The following GCN1 variants were observed in gnomAD, a reference collection of about 807,000 sequenced individuals.
GCN1 encodes GCN1 activator of EIF2AK4.
Under a neutral mutation model 288.4 loss-of-function variants are expected in GCN1, and 90 were observed. The observed-to-expected ratio is 0.31, with a 90% CI of 0.26 to 0.37. The LOEUF (loss-of-function observed/expected upper bound fraction) is 0.37. GCN1 is among the 10% of genes least tolerant of loss of function. The pLI is 1.00. For synonymous variants in GCN1, 1,386 were observed against 1,420.2 expected (o/e 0.98, Z 0.54); for missense variants, 2,586 against 3,419.9 (o/e 0.76, Z 6.08).
intron 55 of GCN1, 111 bp downstream of exon 55, chr12:120,131,074 A>AT: frequency 2.1e-6 from 2 of 949,254 alleles, no homozygotes; most frequent in Admixed American, 4.0e-5. Context: ...CAAAGGTAAA[A>AT]TTAGACCCAA....
chr12:120,175,153 ATC>A lies in GCN1; in HGVS notation c.1093+7_1093+8del. 2 of 1,567,298 alleles carry A rather than the reference ATC, an allele frequency of 1.3e-6. No homozygotes were observed. Among genetic ancestry groups the A allele is most frequent in the Non-Finnish European group, 1.7e-6 (2 of 1,152,742 alleles). On this transcript the variant is annotated splice_region_variant and intron_variant, in intron 12 of 57. Transcript: ENST00000300648. Reference sequence around the variant, plus strand: ...AAAAAAAAAAAAAAAAAAAAAAGAAATCCTATACCTGAGAGGACGCTCATCTT... The same window carrying A: ...AAAAAAAAAAAAAAAAAAAAAAGAAACTATACCTGAGAGGACGCTCATCTT...
chr12:120,165,040 T>C (rs61271303), intron 16 of GCN1, among the ~76,000 whole-genome samples: 11,158 of 134,234 alleles, frequency 0.083, 896 homozygotes, highest in African/African-American at 0.23. Flanking sequence ...CACACACATA[T>C]ATATATATAT....
intron 5 of GCN1, among the ~76,000 whole-genome samples, chr12:120,183,103 A>G (rs948054172): frequency 1.3e-5 from 2 of 152,204 alleles, no homozygotes; most frequent in Non-Finnish European, 2.9e-5. Context: ...TAGAGAATGG[A>G]AAGAGGGAAT....
In GCN1 at chr12:120,134,645, G is replaced by T; in HGVS notation, c.7090C>A (p.Arg2364Ser). 6.2e-7 allele frequency: 1 copy of T among 1,613,866 alleles called. No homozygotes were observed. The highest frequency in any genetic ancestry group is 1.1e-5 in the South Asian group (1 of 91,066). The change falls in exon 52 of 58, where the codon CGC becomes AGC. Residue 2364 changes from arginine (R) to serine (S), a missense_variant. Around this residue, in one of 8 missense-constraint regions of GCN1, gnomAD observed 355 missense variants for 431.1 expected, o/e 0.82. Transcript: ENST00000300648. This position sits in a 1 kb window ranked among gnomAD's most constrained non-coding sequence, Gnocchi z 5.0. ...CCCAGAGCATCTGCGGCCTTCAGGC[G>T]CACCCCCCGGTTGGAGTCCTGCAGG... The part of the protein sequence containing the change: ...KALQDSNRGV[R>S]LKAADALGKL...
At chr12:120,131,425 G>C (rs1186040896) in intron 54 of GCN1, 92 bp from the exon 55 acceptor site, 1 of 1,269,270 alleles carries the variant, frequency 7.9e-7, no homozygotes, top group Admixed American at 1.8e-5. Flanking sequence ...CTGGAGACCA[G>C]TGTGCTGACC....
intron 26 of GCN1, among the ~76,000 whole-genome samples, chr12:120,157,642 G>A (rs537182672): frequency 4.1e-4 from 62 of 152,352 alleles, no homozygotes; most frequent in Middle Eastern, 3.4e-3. Context: ...GGCATGGCAG[G>A]AGAGCCAGAG....
At chr12:120,174,698 G>A (rs547037326) in intron 12 of GCN1, among the ~76,000 whole-genome samples, 2 of 151,382 alleles carry the variant, frequency 1.3e-5, no homozygotes, top group African/African-American at 4.9e-5. Flanking sequence ...GGCTGAGGCA[G>A]GAGGATTGCT....
rs1412076454 is a variant in GCN1, at chr12:120,161,502, C to T, written c.2424G>A (p.Leu808=). ...AYSFKEQIIE[L]ELKEEIKKKK... ...TCCGTGTACTCACCTCCTTCAGCTC[C>T]AGCTCGATGATCTGCTCTTTGAAGG... Residue 808 remains leucine (L), a synonymous_variant, in exon 22 of 58, where the codon CTG becomes CTA. Transcript: ENST00000300648. 5.6e-6 allele frequency: 9 copies of T among 1,612,430 alleles called. No homozygotes were observed. Among genetic ancestry groups the T allele is most frequent in the South Asian group, 1.1e-5 (1 of 91,056 alleles).
rs1229562559 is a variant in GCN1 at position 120,188,440 on chromosome 12, G to GAAAAA, written c.121+1853_121+1857dup. 1.0e-4 allele frequency among the ~76,000 whole-genome samples: 12 copies of GAAAAA among 115,776 alleles called. 1 individual carries two copies. The highest frequency in any genetic ancestry group is 1.2e-4 in the Non-Finnish European group (7 of 57,400). 76.0% of individuals were successfully genotyped at this position (115,776 alleles called of 152,430 possible). A position where few individuals can be genotyped will look rare whatever the true frequency, so the allele number is the denominator to read the frequency against. On this transcript the variant is annotated intron_variant, in intron 2 of 57. Transcript: ENST00000300648. Reference sequence around the variant, plus strand: ...CAGAGGGAGACTCTGTCTCACCAAAGAAAAAAAAAAAAAAAAAACCTCTCC... The same window carrying GAAAAA: ...CAGAGGGAGACTCTGTCTCACCAAAGAAAAAAAAAAAAAAAAAAAAAAACCTCTCC...
At chr12:120,173,449 T>C (rs1052032637) in intron 14 of GCN1, among the ~76,000 whole-genome samples, 2 of 152,244 alleles carry the variant, frequency 1.3e-5, no homozygotes, top group African/African-American at 4.8e-5. Context: ...ACTTTGAAAG[T>C]CTGACAAGGG....
chr12:120,133,219 GTGTCAA>G (rs1367282412), intron 53 of GCN1, among the ~76,000 whole-genome samples: 1 of 152,112 alleles, frequency 6.6e-6, no homozygotes, highest in African/African-American at 2.4e-5. Flanking sequence ...GTGTGTGTGT[GTGTCAA>G]TGACGTGTAA....
Position 120,136,704 on chromosome 12 carries a change from C to G in GCN1, c.6806G>C (p.Arg2269Pro). 6.2e-7 allele frequency: 1 copy of G among 1,613,522 alleles called. No homozygotes were observed. Among genetic ancestry groups the G allele is most frequent in the Non-Finnish European group, 8.5e-7 (1 of 1,179,654 alleles). The change falls in exon 51 of 58, where the codon CGG (arginine) becomes CCG (proline). Residue 2269 changes from arginine to proline, a missense_variant. Around this residue, in one of 8 missense-constraint regions of GCN1, gnomAD observed 437 missense variants for 570.5 expected, o/e 0.77. Coordinates refer to ENST00000300648, the MANE Select transcript of GCN1 (RefSeq NM_006836.2). ...KGVTSILPVL[R>P]EGVLTGSPEQ... ...AGGGCTGCCAGTCAGGACTCCTTCC[C>G]GCAACACTGGAAGGATGGAGGTCAC...
intron 57 of GCN1, among the ~76,000 whole-genome samples, chr12:120,128,412 C>T (rs1197340258): frequency 2.0e-5 from 3 of 151,344 alleles, no homozygotes; most frequent in Admixed American, 1.3e-4. Flanking sequence ...CTCAGCTCAA[C>T]ACAACCTCCG....
At chr12:120,130,531 T>C in intron 56 of GCN1, 115 bp downstream of exon 56, 1 of 720,446 alleles carries the variant, frequency 1.4e-6, no homozygotes, top group East Asian at 2.6e-5. Flanking sequence ...CTGGAGGCCG[T>C]CCACGGAGAA....
At position 120,161,597 on chromosome 12, in the gene GCN1, G is replaced by A. The variant is rs1448143295; in HGVS notation, c.2343-14C>T. The A allele has an allele frequency of 5.7e-6, 9 of 1,592,208 alleles. No homozygotes were observed. ...TCCTGCTGGGCACTGAAACACCAGAGTGGGTCATCAGCCAGCTTGAAAAGC... is the reference window on the plus strand; with the variant it reads ...TCCTGCTGGGCACTGAAACACCAGAATGGGTCATCAGCCAGCTTGAAAAGC... On this transcript the variant is annotated splice_polypyrimidine_tract_variant and intron_variant, in intron 21 of 57. Transcript: ENST00000300648.
chr12:120,174,615 CCT>C (rs981103949), intron 12 of GCN1, among the ~76,000 whole-genome samples: 11 of 150,934 alleles, frequency 7.3e-5, no homozygotes, highest in Non-Finnish European at 1.2e-4. Context: ...GTGGTGAAAC[CCT>C]GTCTCTACTA....
At chr12:120,150,181 G>T in intron 34 of GCN1, 138 bp from the exon 35 acceptor site, 1 of 770,352 alleles carries the variant, frequency 1.3e-6, no homozygotes, top group Non-Finnish European at 2.1e-6. Flanking sequence ...ACTAGTAGAT[G>T]CCCCATGAGG....
In GCN1 at chr12:120,150,039, G is replaced by C. The variant is rs753889322; in HGVS notation, c.4314C>G (p.Ala1438=). 6.2e-7 allele frequency: 1 copy of C among 1,613,878 alleles called. No homozygotes were observed. The highest frequency in any genetic ancestry group is 1.3e-5 in the African/African-American group (1 of 75,022). Residue 1438 remains alanine (A), a synonymous_variant, in exon 35 of 58, where the codon GCC becomes GCG. Transcript: ENST00000300648. The stretch of plus-strand genomic sequence containing the variant: ...TGCAGAGCATCTCGAAGGCAAAGAG[G>C]GCTCCTAGGGGAAAAGAAGGTGGGA... ...DKKNFRRREG[A]LFAFEMLCTM... is the part of the protein sequence containing the mutation.
intron 31 of GCN1, among the ~76,000 whole-genome samples, chr12:120,154,460 T>C (rs74664965): frequency 6.6e-6 from 1 of 152,240 alleles, no homozygotes; most frequent in African/African-American, 2.4e-5. Context: ...TTGCGTGTTT[T>C]GAGCCTGCTC....
Sources: allele counts gnomAD v4.1 joint callset (sites outside exome capture counted in the v4.1 genomes callset), GRCh38; gene constraint gnomAD v4.1.1; regional missense constraint gnomAD v4.1.1; non-coding constraint Gnocchi (gnomAD v3.1); transcripts MANE v1.5; gene names NCBI Gene and HGNC (gene_info 2026-07-23, HGNC 2026-07-21).